The following AKR1D1 variants were observed in gnomAD, a reference collection of about 807,000 sequenced individuals.
AKR1D1 encodes aldo-keto reductase family 1 member D1.
Under a neutral mutation model 42.6 loss-of-function variants are expected in AKR1D1, and 32 were observed. The observed-to-expected ratio is 0.75, with a 90% confidence interval of 0.57 to 1.01. The LOEUF is 1.01. Among genes scored for constraint, AKR1D1 ranks in the 50% least tolerant of loss-of-function variants. The probability of loss-of-function intolerance (pLI) is 0.00; values close to 1 mark genes in which losing one functional copy is unlikely to be tolerated. For synonymous variants in AKR1D1, 123 were observed against 135.5 expected (o/e 0.91, Z 0.64); for missense variants, 364 against 402.2 (o/e 0.91, Z 0.81).
At chr7:138,107,667 C>G (rs1226680760) in intron 7 of AKR1D1, 87 bp downstream of exon 7, 47 of 1,405,660 alleles carry the variant, frequency 3.3e-5, no homozygotes, top group South Asian at 3.5e-5. Context: ...AATAGGAAAC[C>G]TGTAACACTC....
chr7:138,084,970 C>T (rs906915816), intron 1 of AKR1D1, among the ~76,000 whole-genome samples: 3 of 139,840 alleles, frequency 2.1e-5, no homozygotes, highest in Non-Finnish European at 4.6e-5. Flanking sequence ...GTAGGAGAAT[C>T]GCTTGAACCC....
At chr7:138,114,201 G>A (rs1794588999) in intron 8 of AKR1D1, among the ~76,000 whole-genome samples, 1 of 152,138 alleles carries the variant, frequency 6.6e-6, no homozygotes, top group Non-Finnish European at 1.5e-5. Flanking sequence ...AAGAGCACTA[G>A]ATTGAAACCA....
At position 138,092,094 on chromosome 7, in the gene AKR1D1, G is replaced by T. The variant is rs117329121; in HGVS notation, c.378+210G>T. Among the ~76,000 whole-genome samples the T allele has an allele frequency of 4.4e-3, 667 of 152,296 alleles. 3 individuals carry two copies. Among genetic ancestry groups the T allele is most frequent in the Middle Eastern group, 0.017 (5 of 294 alleles). ...TTACTTGGCACCACAGAATATTGTG[G>T]TGTTTTGTTACCACAGATCAGAGAG... is the stretch of plus-strand genomic sequence containing the variant. On this transcript the variant is annotated intron_variant, in intron 3 of 8. Coordinates refer to ENST00000242375, the MANE Select transcript of AKR1D1 (RefSeq NM_005989.4).
chr7:138,079,047 G>A (rs1027428777), intron 1 of AKR1D1, among the ~76,000 whole-genome samples: 2 of 152,004 alleles, frequency 1.3e-5, no homozygotes, highest in African/African-American at 2.4e-5. Context: ...GCCCAGGCTG[G>A]TCTCAAACTC....
At chr7:138,078,283 T>C (rs1282703420) in intron 1 of AKR1D1, among the ~76,000 whole-genome samples, 1 of 152,130 alleles carries the variant, frequency 6.6e-6, no homozygotes, top group Non-Finnish European at 1.5e-5. Flanking sequence ...CTTCGTTCTA[T>C]AGTAATGAGA....
At chr7:138,089,922 G>A (rs532482476) in intron 2 of AKR1D1, among the ~76,000 whole-genome samples, 45 of 152,254 alleles carry the variant, frequency 3.0e-4, no homozygotes, top group Admixed American at 2.8e-3. Flanking sequence ...GTCACTATTG[G>A]CTGAGTTGCC....
chr7:138,094,200 GTGTT>G (rs1325579875), intron 3 of AKR1D1, among the ~76,000 whole-genome samples: 2 of 152,070 alleles, frequency 1.3e-5, no homozygotes, highest in African/African-American at 2.4e-5. Flanking sequence ...ATGTTTTTTG[GTGTT>G]TGTTTGTTTG....
At chr7:138,097,101 C>T (rs141402695) in intron 3 of AKR1D1, among the ~76,000 whole-genome samples, 144 of 152,198 alleles carry the variant, frequency 9.5e-4, no homozygotes, top group African/African-American at 3.3e-3. Flanking sequence ...TGATTTCTCC[C>T]TCTCCCTCAT....
chr7:138,114,676 AAAAG>A (rs1562940109), intron 8 of AKR1D1, among the ~76,000 whole-genome samples: 1 of 151,566 alleles, frequency 6.6e-6, no homozygotes, highest in Admixed American at 6.6e-5. Context: ...AAAAAAAAAA[AAAAG>A]AATATATTTG....
intron 1 of AKR1D1, among the ~76,000 whole-genome samples, chr7:138,084,738 GA>G (rs1803133187): frequency 6.6e-6 from 1 of 151,700 alleles, no homozygotes; most frequent in South Asian, 2.1e-4. Flanking sequence ...AATTTATGTA[GA>G]ATTTTTTTGT....
At chr7:138,090,041 T>C (rs1036085299) in intron 2 of AKR1D1, among the ~76,000 whole-genome samples, 10 of 152,158 alleles carry the variant, frequency 6.6e-5, no homozygotes, top group African/African-American at 2.4e-4. Context: ...ACACCGAACC[T>C]GGCACAAAGC....
intron 5 of AKR1D1, 28 bp downstream of exon 5, chr7:138,105,457 G>A (rs750573056): frequency 1.2e-6 from 2 of 1,613,174 alleles, no homozygotes; most frequent in East Asian, 4.5e-5. Flanking sequence ...CCACTAGGGT[G>A]TGGGGAGTGG....
At chr7:138,101,154 T>TCCCCCCCCCCC (rs1562935716) in intron 4 of AKR1D1, among the ~76,000 whole-genome samples, 1 of 62,314 alleles carries the variant, frequency 1.6e-5, no homozygotes, top group African/African-American at 6.9e-5. Context: ...TTTCTTTCCC[T>TCCCCCCCCCCC]CCCTCCCTCC....
intron 5 of AKR1D1, among the ~76,000 whole-genome samples, chr7:138,105,949 T>A (rs1794417114): frequency 6.6e-6 from 1 of 151,294 alleles, no homozygotes; most frequent in Non-Finnish European, 1.5e-5. Flanking sequence ...GAAAAAACAC[T>A]AAGGCTCAAC....
intron 4 of AKR1D1, 82 bp downstream of exon 4, chr7:138,098,025 G>T (rs1794218689): frequency 3.8e-6 from 4 of 1,055,414 alleles, no homozygotes; most frequent in South Asian, 3.8e-5. Flanking sequence ...TTTATGGAGA[G>T]AGATGCACCC....
chr7:138,101,818 T>C (rs1259805119), intron 4 of AKR1D1, among the ~76,000 whole-genome samples: 2 of 152,220 alleles, frequency 1.3e-5, no homozygotes, highest in African/African-American at 4.8e-5. Context: ...ACCATGTTCC[T>C]TGATCAGAAT....
At position 138,105,328 on chromosome 7, in the gene AKR1D1, G is replaced by T; in HGVS notation, c.478G>T (p.Ala160Ser). The T allele has an allele frequency of 6.2e-7, 1 of 1,614,082 alleles. No individual in the cohort carries two copies. Among genetic ancestry groups the T allele is most frequent in the South Asian group, 1.1e-5 (1 of 91,078 alleles). ...TWEAMEACKD[A>S]GLVKSLGVSN... ...ACAGGCGATGGAAGCTTGCAAAGACGCTGGCTTGGTGAAATCCCTGGGAGT... is the reference window on the plus strand; with the variant it reads ...ACAGGCGATGGAAGCTTGCAAAGACTCTGGCTTGGTGAAATCCCTGGGAGT... Residue 160 changes from alanine (A) to serine (S), a missense_variant, in exon 5 of 9, where the codon GCT becomes TCT. Physicochemically the swap from Ala to Ser is moderately conservative, Grantham distance 99. Coordinates refer to ENST00000242375, the MANE Select transcript of AKR1D1 (RefSeq NM_005989.4).
intron 7 of AKR1D1, among the ~76,000 whole-genome samples, chr7:138,108,377 C>A (rs977678696): frequency 2.0e-5 from 3 of 152,116 alleles, no homozygotes; most frequent in Non-Finnish European, 4.4e-5. Context: ...TTTAGCCCTA[C>A]TCATAATTAA....
At position 138,105,523 on chromosome 7, in the gene AKR1D1, A is replaced by T. The variant is rs560479041; in HGVS notation, c.579+94A>T. 32 of 1,540,756 alleles carry T rather than the reference A, an allele frequency of 2.1e-5. No homozygotes were observed. In the African/African-American group the frequency reaches 2.2e-4, roughly 11 times the overall value. On this transcript the variant is annotated intron_variant, in intron 5 of 8. Transcript: ENST00000242375. Reference sequence around the variant, plus strand: ...CAGCTGGGAGTCAGGAAGGCTCATGATTGCTCCACCTAAATCTCATCATGG... The same window carrying T: ...CAGCTGGGAGTCAGGAAGGCTCATGTTTGCTCCACCTAAATCTCATCATGG...
Sources: allele counts gnomAD v4.1 joint callset (sites outside exome capture counted in the v4.1 genomes callset), GRCh38; gene constraint gnomAD v4.1.1; transcripts MANE v1.5; gene names NCBI Gene and HGNC (gene_info 2026-07-23, HGNC 2026-07-21).